PIEZO2: variants seen among roughly 807,000 people sequenced by gnomAD.
PIEZO2 encodes piezo type mechanosensitive ion channel component 2.
Under a neutral mutation model 337.3 loss-of-function variants are expected in PIEZO2, and 172 were observed. The observed-to-expected ratio is 0.51, with a 90% CI of 0.45 to 0.58. The LOEUF (loss-of-function observed/expected upper bound fraction) is 0.58, where lower values mean the gene tolerates loss of function less well. Ranked by LOEUF, PIEZO2 falls within the 20% of genes least tolerant of loss-of-function variation. PIEZO2 has a pLI of 0.00. For missense variants in PIEZO2, 3,028 were observed against 3,391.3 expected (o/e 0.89, Z 2.66); for synonymous variants, 1,251 against 1,228.5 (o/e 1.02, Z -0.38).
chr18:10,963,976 G>T lies in PIEZO2; in HGVS notation c.286+15559C>A, dbSNP rs577627670. Among the ~76,000 whole-genome samples, 4 of 152,280 alleles carry T rather than the reference G, an allele frequency of 2.6e-5. No individual in the cohort carries two copies. In the South Asian group the frequency reaches 8.3e-4, roughly 32 times the overall value. Reference sequence around the variant, plus strand: ...GGAGAAGAAAAAGATGTATTAGAGAGACAGGCTCTACAAGGTTCCCAAGAA... The same window carrying T: ...GGAGAAGAAAAAGATGTATTAGAGATACAGGCTCTACAAGGTTCCCAAGAA... On this transcript the variant is annotated intron_variant, in intron 3 of 55. Coordinates refer to ENST00000674853, the MANE Select transcript of PIEZO2 (RefSeq NM_001378183.1).
chr18:10,746,298 G>A lies in PIEZO2; in HGVS notation c.4425-2067C>T, dbSNP rs1057086760. On this transcript the variant is annotated intron_variant, in intron 30 of 55. Coordinates refer to ENST00000674853, the MANE Select transcript of PIEZO2 (RefSeq NM_001378183.1). This position sits in a 1 kb window ranked among gnomAD's most constrained non-coding sequence, Gnocchi z 4.2. ...TGGGCTGATAGCCCCCTGAGGACCTGGCCTCTCCTGGCCTGGAGCTTATCA... is the reference window on the plus strand; with the variant it reads ...TGGGCTGATAGCCCCCTGAGGACCTAGCCTCTCCTGGCCTGGAGCTTATCA... Among the ~76,000 whole-genome samples, 5 of 152,176 alleles carry A rather than the reference G, an allele frequency of 3.3e-5. No homozygotes were observed. The highest frequency in any genetic ancestry group is 7.4e-5 in the Non-Finnish European group (5 of 68,020).
rs199842060 is a variant in PIEZO2 at position 10,704,639 on chromosome 18, C to T, written c.6013G>A (p.Asp2005Asn). The change falls in exon 42 of 56, where the codon GAT (aspartate) becomes AAT (asparagine). Residue 2005 changes from aspartate (D) to asparagine (N), a missense_variant. Around this residue, in one of 5 missense-constraint regions of PIEZO2, gnomAD observed 1,925 missense variants for 2,051.9 expected, o/e 0.94. Transcript: ENST00000674853. ...AATTTCTCTGACTCTTCAAGCTCAT[C>T]GTCGTGAAACATCCTGTTAAAGCAA... is the stretch of plus-strand genomic sequence containing the variant. ...ELLLKKMFHD[D>N]ELEESEKFYV... 1.4e-3 allele frequency: 2,180 copies of T among 1,536,370 alleles called. 12 individuals are homozygous for T. Among genetic ancestry groups the T allele is most frequent in the Non-Finnish European group, 1.6e-3 (1,831 of 1,146,160 alleles).
At position 10,833,489 on chromosome 18, in the gene PIEZO2, C is replaced by T. The variant is rs1217669110; in HGVS notation, c.917+21864G>A. Among the ~76,000 whole-genome samples the T allele has an allele frequency of 6.6e-6, 1 of 152,106 alleles. No homozygotes were observed. The highest frequency in any genetic ancestry group is 1.5e-5 in the Non-Finnish European group (1 of 68,024). On this transcript the variant is annotated intron_variant, in intron 7 of 55. Coordinates refer to ENST00000674853, the MANE Select transcript of PIEZO2 (RefSeq NM_001378183.1). This position sits in a 1 kb window ranked among gnomAD's most constrained non-coding sequence, Gnocchi z 4.7. Reference sequence around the variant, plus strand: ...GGTGGCAGAACATGCAGGCAGCTCGCTCCCCGGTGGGTTTTTATTTCTGTT... The same window carrying T: ...GGTGGCAGAACATGCAGGCAGCTCGTTCCCCGGTGGGTTTTTATTTCTGTT...
At chr18:10,994,442 C>T (rs1174763705) in intron 2 of PIEZO2, among the ~76,000 whole-genome samples, 2 of 146,374 alleles carry the variant, frequency 1.4e-5, no homozygotes, top group African/African-American at 5.0e-5. Context: ...CTCTGTTGCT[C>T]TCTATTGCTC....
intron 2 of PIEZO2, among the ~76,000 whole-genome samples, chr18:11,065,695 A>G (rs80091395): frequency 0.031 from 4,725 of 152,242 alleles, 103 homozygotes; most frequent in South Asian, 0.1. Flanking sequence ...AAATCTTCCT[A>G]CCCCATTCTC....
At chr18:10,806,333 G>A (rs914727092) in intron 8 of PIEZO2, among the ~76,000 whole-genome samples, 3 of 152,110 alleles carry the variant, frequency 2.0e-5, no homozygotes, top group African/African-American at 7.2e-5. Context: ...AAGCAACCTT[G>A]CAACCGGGCT....
chr18:10,893,527 T>C (rs1445261498), intron 4 of PIEZO2: 1 of 152,194 alleles, frequency 6.6e-6, no homozygotes, highest in African/African-American at 2.4e-5. Context: ...TCTCTCTGCA[T>C]GGGTTCCTTG....
chr18:11,107,397 A>T (rs1319199192), intron 1 of PIEZO2, among the ~76,000 whole-genome samples: 1 of 152,226 alleles, frequency 6.6e-6, no homozygotes, highest in Non-Finnish European at 1.5e-5. Flanking sequence ...AACTGAAAAT[A>T]AACAGATAAA....
intron 7 of PIEZO2, among the ~76,000 whole-genome samples, chr18:10,852,289 G>A (rs1394347273): frequency 6.6e-6 from 1 of 152,120 alleles, no homozygotes; most frequent in Non-Finnish European, 1.5e-5. Context: ...CAGTTGCCAG[G>A]CTAATACAAT....
Position 10,804,456 on chromosome 18 carries a change from C to A in PIEZO2, c.1081-462G>T, listed in dbSNP as rs548275316. 3.9e-5 allele frequency among the ~76,000 whole-genome samples: 6 copies of A among 152,294 alleles called. No homozygotes were observed. In the South Asian group the frequency reaches 8.3e-4, roughly 21 times the overall value. Reference sequence around the variant, plus strand: ...CGTATCTATGCACATGAGACATTTGCCTAAATTAGACAACTGGTCTAGGAA... The same window carrying A: ...CGTATCTATGCACATGAGACATTTGACTAAATTAGACAACTGGTCTAGGAA... On this transcript the variant is annotated intron_variant, in intron 8 of 55. Transcript: ENST00000674853.
chr18:11,066,203 AT>A lies in PIEZO2; in HGVS notation c.83del (p.Asn28MetfsTer33). On this transcript the variant is annotated frameshift_variant, in exon 2 of 56. Coordinates refer to ENST00000674853, the MANE Select transcript of PIEZO2 (RefSeq NM_001378183.1). LOFTEE classifies it high-confidence loss of function. ...CLAVACAFRY[N>X]GLSFVYLIYL... ...AGATAAGGTAGACAAAGGAGAGCCC[AT>A]TGTATCGGAATGCACATGCTGTGGG... 2 of 1,525,716 alleles carry A rather than the reference AT, an allele frequency of 1.3e-6. No individual in the cohort carries two copies. The highest frequency in any genetic ancestry group is 8.8e-7 in the Non-Finnish European group (1 of 1,140,626). The allele number at this position is 1,525,716 out of a possible 1,614,324, so 94.5% of individuals were successfully genotyped here. A position where few individuals can be genotyped will look rare whatever the true frequency, so the allele number is the denominator to read the frequency against.
Position 11,096,039 on chromosome 18 carries a change from G to A in PIEZO2, c.65-29817C>T, listed in dbSNP as rs1038406414. Among the ~76,000 whole-genome samples the A allele has an allele frequency of 2.0e-5, 3 of 152,332 alleles. No individual in the cohort carries two copies. In the South Asian group the frequency reaches 6.2e-4, roughly 32 times the overall value. On this transcript the variant is annotated intron_variant, in intron 1 of 55. Transcript: ENST00000674853. The surrounding 1 kb of genome is among the most constrained non-coding windows in gnomAD (Gnocchi z 4.6). The stretch of plus-strand genomic sequence containing the variant: ...GTGTGCCCAAGGAGAGACTATGAGA[G>A]GGAGGCAGCTTTGCCTCCACTGCAT...
At chr18:10,810,928 A>G (rs904733246) in intron 7 of PIEZO2, among the ~76,000 whole-genome samples, 1 of 152,224 alleles carries the variant, frequency 6.6e-6, no homozygotes, top group Non-Finnish European at 1.5e-5. Context: ...ATTCCAAAAT[A>G]TTACAGGGGT....
chr18:11,072,779 C>T (rs1233874712), intron 1 of PIEZO2, among the ~76,000 whole-genome samples: 1 of 152,170 alleles, frequency 6.6e-6, no homozygotes, highest in Non-Finnish European at 1.5e-5. Context: ...ACCTCACCGC[C>T]GTACCACATC....
At position 10,877,851 on chromosome 18, in the gene PIEZO2, T is replaced by C. The variant is rs949322692; in HGVS notation, c.330-6436A>G. Among the ~76,000 whole-genome samples the C allele has an allele frequency of 2.6e-5, 4 of 152,174 alleles. No individual in the cohort carries two copies. Among genetic ancestry groups the C allele is most frequent in the Admixed American group, 6.5e-5 (1 of 15,280 alleles). On this transcript the variant is annotated intron_variant, in intron 4 of 55. Coordinates refer to ENST00000674853, the MANE Select transcript of PIEZO2 (RefSeq NM_001378183.1). This position sits in a 1 kb window ranked among gnomAD's most constrained non-coding sequence, Gnocchi z 5.3. ...CAAGGGGCCCTCCACATCCCAGATC[T>C]GGTTTCCCTTATCTCTTGCCATCAT...
rs544673424 is a variant in PIEZO2, at chr18:10,717,153, C to A, written c.5089+1047G>T. On this transcript the variant is annotated intron_variant, in intron 37 of 55. Transcript: ENST00000674853. ...GGTTAAGTCGGTTAATCTCTCTCTG[C>A]CTCAGTTCCCTGTTTTGAGAGAGTT... is the stretch of plus-strand genomic sequence containing the variant. Among the ~76,000 whole-genome samples the A allele has an allele frequency of 4.6e-5, 7 of 152,342 alleles. No homozygotes were observed. The South Asian group carries it at 1.0e-3, about 23-fold the overall frequency.
At chr18:10,811,974 C>T (rs529852457) in intron 7 of PIEZO2, among the ~76,000 whole-genome samples, 2 of 152,310 alleles carry the variant, frequency 1.3e-5, no homozygotes, top group South Asian at 4.1e-4. Flanking sequence ...GCTGAGATTA[C>T]AGGCGCCCGC....
intron 7 of PIEZO2, 31 bp from the exon 8 acceptor site, chr18:10,807,305 G>C: frequency 6.6e-7 from 1 of 1,523,460 alleles, no homozygotes; most frequent in Non-Finnish European, 8.8e-7. Context: ...ATGCTTAAAA[G>C]ATGCAATAAG....
intron 2 of PIEZO2, among the ~76,000 whole-genome samples, chr18:11,062,601 A>C (rs2038006222): frequency 6.6e-6 from 1 of 152,258 alleles, no homozygotes; most frequent in Non-Finnish European, 1.5e-5. Context: ...TGGGTGAAGG[A>C]TATGAAGAGG....
Sources: gnomAD v4.1 joint callset for allele counts (sites outside exome capture counted in the v4.1 genomes callset) on GRCh38, gnomAD v4.1.1 for gene constraint, gnomAD v4.1.1 regional missense constraint, Gnocchi (gnomAD v3.1) non-coding constraint, MANE v1.5 for transcripts, NCBI Gene and HGNC (gene_info 2026-07-23, HGNC 2026-07-21) for gene names.